Variants in ACACA observed in about 807,000 individuals in gnomAD.
The protein encoded by ACACA is acetyl-CoA carboxylase 1.
Under a neutral mutation model 296.1 loss-of-function variants are expected in ACACA, and 103 were observed. That is an observed-to-expected ratio of 0.35 (90% CI 0.30 to 0.41). The LOEUF (loss-of-function observed/expected upper bound fraction) is 0.41, where lower values mean the gene tolerates loss of function less well. Ranked by LOEUF, ACACA falls within the 10% of genes least tolerant of loss-of-function variation. The pLI, the probability that ACACA is intolerant of heterozygous loss-of-function variation, is 1.00. For missense variants in ACACA, 1,554 were observed against 2,989.7 expected (o/e 0.52, Z 11.20); for synonymous variants, 953 against 1,038.6 (o/e 0.92, Z 1.58).
At chr17:37,388,763 T>G in intron 1 of ACACA, 1 of 1,613,196 alleles carries the variant, frequency 6.2e-7, no homozygotes, top group South Asian at 1.1e-5. Context: ...GTTGCCATTA[T>G]AGTATTTGTA....
intron 55 of ACACA, among the ~76,000 whole-genome samples, chr17:37,088,086 G>A (rs1323664427): frequency 6.6e-6 from 1 of 152,202 alleles, no homozygotes; most frequent in Non-Finnish European, 1.5e-5. Flanking sequence ...CCCAGATGTG[G>A]TGCCCTGTGA....
chr17:37,390,175 T>TATATATATACAC lies in ACACA; in HGVS notation c.38+16086_38+16087insGTGTATATATAT, dbSNP rs60788220. 9.2e-3 allele frequency among the ~76,000 whole-genome samples: 409 copies of TATATATATACAC among 44,392 alleles called. 8 individuals carry two copies. The highest frequency in any genetic ancestry group is 0.01 in the Admixed American group (23 of 2,300). 29.1% of individuals were successfully genotyped at this position (44,392 alleles called of 152,430 possible). On this transcript the variant is annotated intron_variant, in intron 1 of 55. Coordinates refer to ENST00000616317, the MANE Select transcript of ACACA (RefSeq NM_198834.3). The stretch of plus-strand genomic sequence containing the variant: ...ATATATATATATATATATATATATA[T>TATATATATACAC]ACACACACACATTATATATAAATAT...
chr17:37,200,602 T>G (rs1199694245), intron 33 of ACACA, 119 bp from the exon 34 acceptor site: 3 of 917,686 alleles, frequency 3.3e-6, no homozygotes, highest in African/African-American at 1.6e-5. Flanking sequence ...GATATCCTTA[T>G]CTTAGCTTAG....
chr17:37,174,000 A>ATTTTT (rs2076993731), intron 41 of ACACA, among the ~76,000 whole-genome samples: 1 of 9,532 alleles, frequency 1.0e-4, no homozygotes, highest in African/African-American at 8.7e-4. Flanking sequence ...ATATATATAT[A>ATTTTT]TATATATATA....
intron 54 of ACACA, among the ~76,000 whole-genome samples, chr17:37,096,600 C>T (rs1332015461): frequency 6.6e-6 from 1 of 152,118 alleles, no homozygotes; most frequent in Non-Finnish European, 1.5e-5. Flanking sequence ...TGCTCTGTGC[C>T]CTTTGCTGTG....
intron 52 of ACACA, among the ~76,000 whole-genome samples, chr17:37,106,475 C>T (rs997377513): frequency 1.3e-5 from 2 of 152,096 alleles, no homozygotes; most frequent in Admixed American, 1.3e-4. Flanking sequence ...ATGTTTAACC[C>T]TAAAGTTCCC....
intron 48 of ACACA, among the ~76,000 whole-genome samples, chr17:37,124,891 C>T (rs2074703689): frequency 6.6e-6 from 1 of 152,174 alleles, no homozygotes; most frequent in Admixed American, 6.5e-5. Flanking sequence ...TAAATCTCAA[C>T]CCAATGTGGC....
In ACACA at chr17:37,244,629, T is replaced by C. The variant is rs1261823791; in HGVS notation, c.2701A>G (p.Met901Val). Residue 901 changes from methionine to valine, a missense_variant, in exon 21 of 56, where the codon ATG becomes GTG. Coordinates refer to ENST00000616317, the MANE Select transcript of ACACA (RefSeq NM_198834.3). ...GGATCTGGAAGGCAGTATCCATTCA[T>C]TACATTGACCAGATTATCCAGGACA... ...HYVLDNLVNV[M>V]NGYCLPDPFF... is the part of the protein sequence containing the mutation. 1 of 1,614,216 alleles carries C rather than the reference T, an allele frequency of 6.2e-7. No individual in the cohort carries two copies. The highest frequency in any genetic ancestry group is 8.5e-7 in the Non-Finnish European group (1 of 1,180,024).
intron 47 of ACACA, 80 bp from the exon 48 acceptor site, chr17:37,125,874 T>C (rs925960986): frequency 8.0e-7 from 1 of 1,255,780 alleles, no homozygotes; most frequent in Non-Finnish European, 1.2e-6. Context: ...GAATTTAAGG[T>C]GGTTTGGGGG....
At chr17:37,283,799 A>G (rs1458214723) in intron 4 of ACACA, among the ~76,000 whole-genome samples, 1 of 152,226 alleles carries the variant, frequency 6.6e-6, no homozygotes, top group Non-Finnish European at 1.5e-5. Flanking sequence ...CTCTGTTGCA[A>G]TAAAATGAGG....
At chr17:37,347,484 C>T (rs914983995) in intron 1 of ACACA, among the ~76,000 whole-genome samples, 1 of 152,040 alleles carries the variant, frequency 6.6e-6, no homozygotes, top group Non-Finnish European at 1.5e-5. Context: ...TTTGTGGAGA[C>T]GGGGTTTTGT....
chr17:37,109,712 T>C (rs545654234), intron 52 of ACACA, among the ~76,000 whole-genome samples: 1 of 152,340 alleles, frequency 6.6e-6, no homozygotes, highest in East Asian at 1.9e-4. Context: ...AAGGTGCTGG[T>C]TGAAGGTGGG....
Position 37,088,976 on chromosome 17 carries a change from T to C in ACACA, c.6990A>G (p.Lys2330=), listed in dbSNP as rs746456512. 5 of 1,614,258 alleles carry C rather than the reference T, an allele frequency of 3.1e-6. No homozygotes were observed. In the East Asian group the frequency reaches 1.1e-4, roughly 36 times the overall value. ...GVHSVIEENI[K]CISRDYVLKQ... is the part of the protein sequence containing the mutation. ...TGAGGACGTAGTCTCTGCTGATGCA[T>C]TTGATGTTTTCCTCTATTACCGAGT... The change falls in exon 55 of 56, where the codon AAA becomes AAG. Residue 2330 remains lysine, a synonymous_variant. Coordinates refer to ENST00000616317, the MANE Select transcript of ACACA (RefSeq NM_198834.3).
intron 3 of ACACA, among the ~76,000 whole-genome samples, chr17:37,307,710 C>T (rs546566391): frequency 6.6e-6 from 1 of 152,150 alleles, no homozygotes; most frequent in South Asian, 2.1e-4. Flanking sequence ...CCTCAGCCTC[C>T]CAAGCAGCTG....
intron 25 of ACACA, among the ~76,000 whole-genome samples, chr17:37,233,150 T>G (rs2079941893): frequency 6.6e-6 from 1 of 152,180 alleles, no homozygotes; most frequent in African/African-American, 2.4e-5. Context: ...CCAACGCCTC[T>G]GCAGCACCCC....
At chr17:37,195,334 C>T (rs1296369445) in intron 35 of ACACA, among the ~76,000 whole-genome samples, 1 of 152,084 alleles carries the variant, frequency 6.6e-6, no homozygotes, top group Non-Finnish European at 1.5e-5. Flanking sequence ...CTTTCTTTTC[C>T]ACTAAACCAA....
chr17:37,122,726 G>C, intron 48 of ACACA, 99 bp from the exon 49 acceptor site: 1 of 967,748 alleles, frequency 1.0e-6, no homozygotes, highest in Admixed American at 1.7e-5. Context: ...GAAAAAACTA[G>C]AAACAAACAC....
chr17:37,257,195 C>T (rs548390017), intron 14 of ACACA, among the ~76,000 whole-genome samples: 5 of 152,148 alleles, frequency 3.3e-5, no homozygotes, highest in East Asian at 1.9e-4. Flanking sequence ...TCTTTATGTC[C>T]TTTTCATAAT....
Position 37,097,062 on chromosome 17 carries a change from C to T in ACACA, c.6825G>A (p.Glu2275=). 1.2e-6 allele frequency: 2 copies of T among 1,614,136 alleles called. No homozygotes were observed. The highest frequency in any genetic ancestry group is 2.2e-5 in the South Asian group (2 of 91,086). Residue 2275 remains glutamate, a synonymous_variant, in exon 54 of 56, where the codon GAG becomes GAA. Coordinates refer to ENST00000616317, the MANE Select transcript of ACACA (RefSeq NM_198834.3). The surrounding 1 kb of genome is among the most constrained non-coding windows in gnomAD (Gnocchi z 4.8). ...TGGCTTGAATCTGGCCATCAGTCAG[C>T]TCAGGGTTGGCATTGTGGATTTTCT... ...VKKKIHNANP[E]LTDGQIQAML... is the part of the protein sequence containing the mutation.
Sources: allele counts gnomAD v4.1 joint callset (sites outside exome capture counted in the v4.1 genomes callset), GRCh38; gene constraint gnomAD v4.1.1; non-coding constraint Gnocchi (gnomAD v3.1); transcripts MANE v1.5; gene names NCBI Gene and HGNC (gene_info 2026-07-23, HGNC 2026-07-21).